Variants in SOX6 observed in about 807,000 individuals in gnomAD.
SOX6 encodes transcription factor SOX-6.
A neutral mutation model predicts 97.8 loss-of-function variants in SOX6; 11 were observed. The ratio of observed to expected loss-of-function variants is 0.11; its 90% CI spans 0.07 to 0.19. The LOEUF is 0.19. Ranked by LOEUF, SOX6 falls within the 10% of genes least tolerant of loss-of-function variation. The pLI, the probability that SOX6 is intolerant of heterozygous loss-of-function variation, is 1.00. For synonymous variants in SOX6, 360 were observed against 371.4 expected (o/e 0.97, Z 0.35); for missense variants, 810 against 1,039.5 (o/e 0.78, Z 3.04).
At chr11:16,679,591 G>T (rs1006849895) in intron 3 of SOX6, among the ~76,000 whole-genome samples, 1 of 152,130 alleles carries the variant, frequency 6.6e-6, no homozygotes, top group Non-Finnish European at 1.5e-5. Flanking sequence ...ACCAGCAAGG[G>T]AACAAAACTG....
intron 3 of SOX6, among the ~76,000 whole-genome samples, chr11:16,257,607 G>A (rs1332862689): frequency 6.6e-6 from 1 of 151,784 alleles, no homozygotes; most frequent in South Asian, 2.1e-4. Flanking sequence ...AAAATTTCTA[G>A]AGATAACATA....
intron 3 of SOX6, among the ~76,000 whole-genome samples, chr11:16,266,684 T>C (rs1289742285): frequency 1.3e-5 from 2 of 151,630 alleles, no homozygotes; most frequent in Non-Finnish European, 3.0e-5. Flanking sequence ...TATTGTACTA[T>C]AGTGTAAATA....
intron 9 of SOX6, among the ~76,000 whole-genome samples, chr11:16,065,469 T>TC (rs1848072080): frequency 6.6e-6 from 1 of 151,712 alleles, no homozygotes; most frequent in South Asian, 2.1e-4. Context: ...GCAATCCACA[T>TC]CAAAATACCA....
chr11:16,173,635 A>C (rs1851101329), intron 6 of SOX6, among the ~76,000 whole-genome samples: 1 of 150,188 alleles, frequency 6.7e-6, no homozygotes, highest in Non-Finnish European at 1.5e-5. Context: ...AAACTACTAG[A>C]CAAGAAAAAC....
At chr11:16,196,371 T>A (rs558181208) in intron 4 of SOX6, among the ~76,000 whole-genome samples, 2 of 152,360 alleles carry the variant, frequency 1.3e-5, no homozygotes, top group South Asian at 4.1e-4. Flanking sequence ...AACTCCTGAA[T>A]GTCCTACCTT....
intron 3 of SOX6, among the ~76,000 whole-genome samples, chr11:16,258,395 C>A (rs1853761683): frequency 1.3e-5 from 2 of 151,736 alleles, no homozygotes; most frequent in Admixed American, 6.6e-5. Flanking sequence ...AATGAGCTAC[C>A]AAGCTATGAA....
At chr11:16,088,130 A>T (rs1848615094) in intron 9 of SOX6, among the ~76,000 whole-genome samples, 1 of 152,106 alleles carries the variant, frequency 6.6e-6, no homozygotes, top group South Asian at 2.1e-4. Flanking sequence ...AACTTTCTTA[A>T]ATACTTTTCT....
chr11:15,991,989 C>T (rs1197776945), intron 13 of SOX6, among the ~76,000 whole-genome samples: 1 of 152,156 alleles, frequency 6.6e-6, no homozygotes, highest in Non-Finnish European at 1.5e-5. Flanking sequence ...TTTTCCTTTC[C>T]TCCTACATCA....
intron 3 of SOX6, among the ~76,000 whole-genome samples, chr11:16,238,984 A>G (rs1429479922): frequency 6.6e-6 from 1 of 152,104 alleles, no homozygotes; most frequent in East Asian, 1.9e-4. Context: ...ATGATAACTT[A>G]TCAAAAGTAT....
intron 4 of SOX6, among the ~76,000 whole-genome samples, chr11:16,502,116 G>A (rs1860718489): frequency 6.6e-6 from 1 of 152,150 alleles, no homozygotes; most frequent in Non-Finnish European, 1.5e-5. Flanking sequence ...TATATACCAT[G>A]GAATACTATG....
intron 3 of SOX6, among the ~76,000 whole-genome samples, chr11:16,240,533 C>T (rs367877139): frequency 7.3e-4 from 111 of 151,984 alleles, no homozygotes; most frequent in African/African-American, 2.4e-3. Context: ...ACTTAACATA[C>T]GTCAATGAAA....
chr11:16,685,083 A>C (rs1847959261), intron 3 of SOX6, among the ~76,000 whole-genome samples: 1 of 152,044 alleles, frequency 6.6e-6, no homozygotes, highest in South Asian at 2.1e-4. Context: ...AACACATCCC[A>C]CCAGGCCCCA....
chr11:16,066,157 A>G (rs1848088570), intron 9 of SOX6, among the ~76,000 whole-genome samples: 1 of 152,232 alleles, frequency 6.6e-6, no homozygotes, highest in South Asian at 2.1e-4. Context: ...CAGGCATATG[A>G]AAAGTTGCTC....
At chr11:16,693,620 A>G (rs931382639) in intron 3 of SOX6, among the ~76,000 whole-genome samples, 2 of 152,148 alleles carry the variant, frequency 1.3e-5, no homozygotes, top group Non-Finnish European at 2.9e-5. Context: ...GTTCCCTAAG[A>G]CCAGAGTAAA....
intron 3 of SOX6, among the ~76,000 whole-genome samples, chr11:16,689,557 T>C (rs962460156): frequency 6.6e-6 from 1 of 152,226 alleles, no homozygotes; most frequent in Non-Finnish European, 1.5e-5. Flanking sequence ...CCATCTTGGC[T>C]AAAAGCAAAA....
chr11:16,011,581 G>T (rs1203088517), intron 13 of SOX6, among the ~76,000 whole-genome samples: 2 of 152,044 alleles, frequency 1.3e-5, no homozygotes, highest in African/African-American at 4.8e-5. Context: ...TTTCCTCACT[G>T]CCTCCAGGCT....
At chr11:16,296,889 A>G (rs1191373864) in intron 3 of SOX6, among the ~76,000 whole-genome samples, 2 of 152,128 alleles carry the variant, frequency 1.3e-5, no homozygotes, top group African/African-American at 4.8e-5. Flanking sequence ...TGGAATCTTC[A>G]GAGGATAAGA....
intron 3 of SOX6, among the ~76,000 whole-genome samples, chr11:16,266,626 T>C (rs1248941725): frequency 1.3e-5 from 2 of 151,584 alleles, no homozygotes; most frequent in African/African-American, 4.8e-5. Flanking sequence ...AGAATCCAAA[T>C]GTATAACAAC....
chr11:16,622,329 G>T (rs1360362201), intron 3 of SOX6, among the ~76,000 whole-genome samples: 1 of 152,164 alleles, frequency 6.6e-6, no homozygotes, highest in African/African-American at 2.4e-5. Context: ...ACATGAATAA[G>T]TTCTTTAGTG....
Sources: allele counts gnomAD v4.1 joint callset (sites outside exome capture counted in the v4.1 genomes callset), GRCh38; gene constraint gnomAD v4.1.1; transcripts MANE v1.5; gene names NCBI Gene and HGNC (gene_info 2026-07-23, HGNC 2026-07-21).